The following FHIP1A variants were observed in gnomAD, a reference collection of about 807,000 sequenced individuals.
FHIP1A encodes FHF complex subunit HOOK-interacting protein 1A.
FHIP1A carries 61 observed loss-of-function variants against 88.6 expected under a neutral mutation model. The ratio of observed to expected loss-of-function variants is 0.69; its 90% confidence interval spans 0.56 to 0.85. FHIP1A has a LOEUF of 0.85. Among genes scored for constraint, FHIP1A ranks in the 40% least tolerant of loss-of-function variants. FHIP1A has a pLI of 0.00. For synonymous variants in FHIP1A, 478 were observed against 496.0 expected (o/e 0.96, Z 0.48); for missense variants, 1,154 against 1,273.5 (o/e 0.91, Z 1.43).
intron 3 of FHIP1A, among the ~76,000 whole-genome samples, chr4:151,564,493 A>G (rs1396829248): frequency 6.6e-6 from 1 of 152,206 alleles, no homozygotes; most frequent in African/African-American, 2.4e-5. Context: ...AGGGAGTGGC[A>G]GGGACTGTGG....
intron 11 of FHIP1A, among the ~76,000 whole-genome samples, chr4:151,651,786 T>A (rs1459290670): frequency 6.6e-6 from 1 of 152,238 alleles, no homozygotes; most frequent in Admixed American, 6.5e-5. Flanking sequence ...ATTCATCTAT[T>A]TACTGATGCC....
chr4:151,526,635 G>A (rs1414325120), intron 3 of FHIP1A, among the ~76,000 whole-genome samples: 14 of 148,624 alleles, frequency 9.4e-5, no homozygotes, highest in Non-Finnish European at 1.2e-4. Context: ...CCTCCCTCCC[G>A]GACGGGGCGG....
intron 1 of FHIP1A, among the ~76,000 whole-genome samples, chr4:151,446,295 T>C (rs975261348): frequency 3.3e-5 from 5 of 152,172 alleles, no homozygotes; most frequent in African/African-American, 1.2e-4. Context: ...TTTTAAGGAT[T>C]TATTTTCATA....
chr4:151,506,563 G>A (rs1238468261), intron 3 of FHIP1A, among the ~76,000 whole-genome samples: 1 of 152,148 alleles, frequency 6.6e-6, no homozygotes, highest in African/African-American at 2.4e-5. Context: ...GCTGTATGTG[G>A]AGGTCACATG....
intron 1 of FHIP1A, among the ~76,000 whole-genome samples, chr4:151,411,349 A>T (rs57923231): frequency 0.9 from 121,850 of 135,940 alleles, 54,835 homozygotes; most frequent in African/African-American, 0.92. Context: ...TTATATATAT[A>T]TTTTTTTTTT....
At chr4:151,648,715 A>C (rs1224752507) in intron 10 of FHIP1A, among the ~76,000 whole-genome samples, 1 of 151,432 alleles carries the variant, frequency 6.6e-6, no homozygotes, top group African/African-American at 2.4e-5. Context: ...GATAGCATTG[A>C]TAAAGCACCT....
Position 151,668,560 on chromosome 4 carries a change from A to G in FHIP1A, c.*5806A>G, listed in dbSNP as rs1737747415. On this transcript the variant is annotated 3_prime_UTR_variant, in exon 14 of 14. Coordinates refer to ENST00000435205, the MANE Select transcript of FHIP1A (RefSeq NM_001109977.3). ...CTCCACCTTGAAAGACAGGAACAGA[A>G]GTTCACTGTGATGTGTGACCCTGGA... is the stretch of plus-strand genomic sequence containing the variant. Among the ~76,000 whole-genome samples, 1 of 152,194 alleles carries G rather than the reference A, an allele frequency of 6.6e-6. No individual in the cohort carries two copies. Among genetic ancestry groups the G allele is most frequent in the African/African-American group, 2.4e-5 (1 of 41,448 alleles).
chr4:151,476,977 TA>T (rs574889888), intron 2 of FHIP1A, among the ~76,000 whole-genome samples: 2 of 151,208 alleles, frequency 1.3e-5, no homozygotes, highest in Admixed American at 6.6e-5. Flanking sequence ...TCCTGATGTG[TA>T]AAAAAAAAGA....
rs2126935089 is a variant in FHIP1A at position 151,663,029 on chromosome 4, T to G, written c.*275T>G. 3.2e-6 allele frequency: 1 copy of G among 312,872 alleles called. No homozygotes were observed. The allele number at this position is 312,872 out of a possible 1,614,324, so 19.4% of individuals were successfully genotyped here. On this transcript the variant is annotated 3_prime_UTR_variant, in exon 14 of 14. Coordinates refer to ENST00000435205, the MANE Select transcript of FHIP1A (RefSeq NM_001109977.3). ...CCTCCTTATATTTTTTTGGTTGTCA[T>G]TCTCCTATCCCTTTGAGTTACTCTT... is the stretch of plus-strand genomic sequence containing the variant.
chr4:151,578,107 T>C (rs750867683), intron 5 of FHIP1A, 31 bp downstream of exon 5: 3 of 1,529,046 alleles, frequency 2.0e-6, no homozygotes, highest in Non-Finnish European at 2.6e-6. Context: ...TGTTTTCCAC[T>C]CACTCCCTTT....
intron 7 of FHIP1A, among the ~76,000 whole-genome samples, chr4:151,619,286 CT>C (rs1373895852): frequency 6.6e-6 from 1 of 152,110 alleles, no homozygotes; most frequent in Non-Finnish European, 1.5e-5. Flanking sequence ...TGGTTTTTAA[CT>C]TAAAAAATTA....
intron 3 of FHIP1A, among the ~76,000 whole-genome samples, chr4:151,539,930 A>C (rs2126725995): frequency 6.6e-6 from 1 of 152,326 alleles, no homozygotes; most frequent in African/African-American, 2.4e-5. Flanking sequence ...GAGAACTCTA[A>C]ATGATTGGCA....
intron 11 of FHIP1A, among the ~76,000 whole-genome samples, chr4:151,655,199 A>G (rs1053038272): frequency 7.2e-5 from 11 of 152,374 alleles, no homozygotes; most frequent in African/African-American, 2.2e-4. Flanking sequence ...TAAACATGCC[A>G]TGGTTTAGTA....
chr4:151,565,818 C>T (rs914042152), intron 3 of FHIP1A, among the ~76,000 whole-genome samples: 3 of 151,892 alleles, frequency 2.0e-5, no homozygotes, highest in Admixed American at 6.6e-5. Flanking sequence ...TAGTTTCTTA[C>T]TTGATTCTAG....
In FHIP1A at chr4:151,667,380, T is replaced by C. The variant is rs1033839776; in HGVS notation, c.*4626T>C. ...GAGGAAACACTGTAAGAGAATGCAGTTGACTCTTTCCCCCCCTTCTTTTTG... is the reference window on the plus strand; with the variant it reads ...GAGGAAACACTGTAAGAGAATGCAGCTGACTCTTTCCCCCCCTTCTTTTTG... On this transcript the variant is annotated 3_prime_UTR_variant, in exon 14 of 14. Transcript: ENST00000435205. 4.6e-5 allele frequency: 7 copies of C among 152,336 alleles called. No individual in the cohort carries two copies. Among genetic ancestry groups the C allele is most frequent in the South Asian group, 4.1e-4 (2 of 4,822 alleles). The allele number at this position is 152,336 out of a possible 1,614,324, so 9.4% of individuals were successfully genotyped here.
intron 8 of FHIP1A, among the ~76,000 whole-genome samples, chr4:151,635,756 G>A (rs1357041046): frequency 6.6e-6 from 1 of 151,842 alleles, no homozygotes; most frequent in Non-Finnish European, 1.5e-5. Context: ...TTGTTCGGTG[G>A]TTACTGAGTT....
At chr4:151,458,883 A>G in intron 2 of FHIP1A, among the ~76,000 whole-genome samples, 1 of 152,126 alleles carries the variant, frequency 6.6e-6, no homozygotes, top group East Asian at 1.9e-4. Flanking sequence ...TTCCTGTAAT[A>G]TTTAGCAGAA....
chr4:151,425,199 A>T (rs1733315819), intron 1 of FHIP1A, among the ~76,000 whole-genome samples: 1 of 152,222 alleles, frequency 6.6e-6, no homozygotes, highest in South Asian at 2.1e-4. Flanking sequence ...AATCCTTTAG[A>T]TCTCACTACT....
intron 3 of FHIP1A, among the ~76,000 whole-genome samples, chr4:151,550,427 A>G (rs757742294): frequency 3.5e-4 from 53 of 152,310 alleles, no homozygotes; most frequent in Middle Eastern, 3.4e-3. Flanking sequence ...GTAGCCTCGC[A>G]TGAAGGGTAA....
Sources: gnomAD v4.1 joint callset for allele counts (sites outside exome capture counted in the v4.1 genomes callset) on GRCh38, gnomAD v4.1.1 for gene constraint, MANE v1.5 for transcripts, NCBI Gene and HGNC (gene_info 2026-07-23, HGNC 2026-07-21) for gene names.